The following RP1L1 variants were observed in gnomAD, a reference collection of about 807,000 sequenced individuals.
The protein encoded by RP1L1 is retinitis pigmentosa 1-like 1 protein.
In RP1L1, 27 loss-of-function variants were observed where a neutral mutation model predicts 15.7. The ratio of observed to expected loss-of-function variants is 1.72; its 90% CI spans 1.27 to 2.38. RP1L1 has a LOEUF of 2.38. Among genes scored for constraint, RP1L1 ranks in the 30% most tolerant of loss-of-function variants. The probability of loss-of-function intolerance (pLI) is 0.00; values close to 1 mark genes in which losing one functional copy is unlikely to be tolerated. For synonymous variants in RP1L1, 1,813 were observed against 1,276.7 expected (o/e 1.42, Z -8.96); for missense variants, 4,798 against 3,075.9 (o/e 1.56, Z -13.24).
rs1199314851 is a variant in RP1L1, at chr8:10,629,801, T to C, written c.-19-6581A>G. Among the ~76,000 whole-genome samples the C allele has an allele frequency of 3.9e-5, 6 of 152,092 alleles. No individual in the cohort carries two copies. The South Asian group carries it at 1.2e-3, about 32-fold the overall frequency. On this transcript the variant is annotated intron_variant, in intron 1 of 3. Coordinates refer to ENST00000382483, the MANE Select transcript of RP1L1 (RefSeq NM_178857.6). ...CTTACCACTTATTCCCTCCTCAAGA[T>C]GCCTCACAGTCAGAGGAAGGCTGCT...
chr8:10,620,079 C>T (rs140723659), intron 2 of RP1L1, among the ~76,000 whole-genome samples: 9 of 152,082 alleles, frequency 5.9e-5, no homozygotes, highest in African/African-American at 1.7e-4. Context: ...GTTTCTCTGG[C>T]GACTAAGACA....
At chr8:10,636,884 G>A (rs1197884671) in intron 1 of RP1L1, among the ~76,000 whole-genome samples, 1 of 152,156 alleles carries the variant, frequency 6.6e-6, no homozygotes, top group Non-Finnish European at 1.5e-5. Context: ...GATGGAACTG[G>A]AGTGACAAGG....
rs190111522 is a variant in RP1L1, at chr8:10,624,679, T to C, written c.-19-1459A>G. Among the ~76,000 whole-genome samples, 4 of 150,404 alleles carry C rather than the reference T, an allele frequency of 2.7e-5. No homozygotes were observed. In the East Asian group the frequency reaches 5.8e-4, roughly 22 times the overall value. On this transcript the variant is annotated intron_variant, in intron 1 of 3. Transcript: ENST00000382483. ...GGCCGGGAGGAGAAGGTCGGAGGCT[T>C]CTTGCAAGCTGGGATCAGCTGCCAT...
chr8:10,642,870 A>T (rs143094634), intron 1 of RP1L1, among the ~76,000 whole-genome samples: 1,854 of 152,336 alleles, frequency 0.012, 33 homozygotes, highest in South Asian at 0.052. Context: ...AAGTTGAAAG[A>T]GAAGGAAGAG....
chr8:10,633,783 T>C (rs1798288403), intron 1 of RP1L1, among the ~76,000 whole-genome samples: 1 of 152,176 alleles, frequency 6.6e-6, no homozygotes, highest in Non-Finnish European at 1.5e-5. Context: ...TGGCAAGGCA[T>C]ATTCTAATTA....
rs1043085542 is a variant in RP1L1 at position 10,612,790 on chromosome 8, G to A, written c.1308C>T (p.Gly436=). ...TCCCGGCAGTCCCGTGGCCCCACAG[G>A]CCACTGCAGCGGACGTGCTGGGCCA... The part of the protein sequence containing the change: ...WGLAQHVRCS[G]LWGHGTAGRE... Residue 436 remains glycine (G), a synonymous_variant, in exon 4 of 4, where the codon GGC becomes GGT. Coordinates refer to ENST00000382483, the MANE Select transcript of RP1L1 (RefSeq NM_178857.6). 2.5e-6 allele frequency: 4 copies of A among 1,610,720 alleles called. No homozygotes were observed. Among genetic ancestry groups the A allele is most frequent in the South Asian group, 2.2e-5 (2 of 91,080 alleles).
Position 10,612,981 on chromosome 8 carries a change from G to A in RP1L1, c.1117C>T (p.Pro373Ser), listed in dbSNP as rs765172783. The part of the protein sequence containing the change: ...DPLCCVWEGY[P>S]WGFSEPGVWG... ...ACCCCAGGCTCTGAGAAGCCCCAAG[G>A]GTAGCCCTCCCACACACAGCAGAGG... is the stretch of plus-strand genomic sequence containing the variant. Residue 373 changes from proline (P) to serine (S), a missense_variant, in exon 4 of 4, where the codon CCT becomes TCT. By Grantham distance (74) the Pro-to-Ser change is moderately conservative. Transcript: ENST00000382483. 1.2e-6 allele frequency: 2 copies of A among 1,613,202 alleles called. No homozygotes were observed. The highest frequency in any genetic ancestry group is 1.3e-5 in the African/African-American group (1 of 75,042).
intron 1 of RP1L1, among the ~76,000 whole-genome samples, chr8:10,637,577 C>T (rs35802372): frequency 0.18 from 27,749 of 152,058 alleles, 3,414 homozygotes; most frequent in Non-Finnish European, 0.26. Context: ...GAGACCCCAT[C>T]TCCAAAAACA....
intron 1 of RP1L1, among the ~76,000 whole-genome samples, chr8:10,638,111 T>G (rs1009298985): frequency 6.6e-6 from 1 of 152,264 alleles, no homozygotes; most frequent in Non-Finnish European, 1.5e-5. Context: ...ATACCTGCTT[T>G]GTTTACACTT....
chr8:10,644,323 C>A (rs1048638495), intron 1 of RP1L1, among the ~76,000 whole-genome samples: 1 of 151,930 alleles, frequency 6.6e-6, no homozygotes, highest in African/African-American at 2.4e-5. Context: ...ACAAGGCAGT[C>A]TCTAGAGAAT....
In RP1L1 at chr8:10,610,904, G is replaced by A. The variant is rs774639195; in HGVS notation, c.3194C>T (p.Pro1065Leu). 6.8e-6 allele frequency: 11 copies of A among 1,610,796 alleles called. No individual in the cohort carries two copies. The highest frequency in any genetic ancestry group is 8.5e-6 in the Non-Finnish European group (10 of 1,179,154). Residue 1065 changes from proline (P) to leucine (L), a missense_variant, in exon 4 of 4, where the codon CCA becomes CTA. Coordinates refer to ENST00000382483, the MANE Select transcript of RP1L1 (RefSeq NM_178857.6). ...CCGCAGGCTCACCCTGCAGCCTGCT[G>A]GGGCCTCTCTGTCTGCTCCGGCCTC... ...PAEAGADREA[P>L]AGCRVSLRAL...
intron 1 of RP1L1, among the ~76,000 whole-genome samples, chr8:10,654,021 G>C (rs545675259): frequency 6.6e-6 from 1 of 152,278 alleles, no homozygotes; most frequent in East Asian, 1.9e-4. Flanking sequence ...CTGGCTGTGG[G>C]GCATGGTCCC....
intron 3 of RP1L1, among the ~76,000 whole-genome samples, chr8:10,614,425 C>T (rs944317261): frequency 2.6e-5 from 4 of 152,052 alleles, no homozygotes; most frequent in Admixed American, 6.5e-5. Flanking sequence ...TTTGGGAGGC[C>T]GAGGCAGGCG....
rs1797793989 is a variant in RP1L1 at position 10,609,755 on chromosome 8, T to C, written c.4343A>G (p.Glu1448Gly). The C allele has an allele frequency of 6.2e-7, 1 of 1,613,554 alleles. No individual in the cohort carries two copies. The highest frequency in any genetic ancestry group is 8.5e-7 in the Non-Finnish European group (1 of 1,179,692). ...SAEPCPAEGTEEPTEPPSHLS... is the reference protein window; with the variant it reads ...SAEPCPAEGTGEPTEPPSHLS... Reference sequence around the variant, plus strand: ...ATGACTAGGGGGCTCTGTGGGTTCCTCTGTGCCCTCTGCGGGGCACGGCTC... The same window carrying C: ...ATGACTAGGGGGCTCTGTGGGTTCCCCTGTGCCCTCTGCGGGGCACGGCTC... Residue 1448 changes from glutamate to glycine, a missense_variant, in exon 4 of 4, where the codon GAG becomes GGG. Physicochemically the swap from Glu to Gly is moderately conservative, Grantham distance 98. Coordinates refer to ENST00000382483, the MANE Select transcript of RP1L1 (RefSeq NM_178857.6).
chr8:10,642,134 C>T (rs996377214), intron 1 of RP1L1, among the ~76,000 whole-genome samples: 3 of 151,946 alleles, frequency 2.0e-5, no homozygotes, highest in Non-Finnish European at 1.5e-5. Flanking sequence ...TTTCCTACAC[C>T]TGCGTATAAA....
chr8:10,619,601 A>G (rs1798026164), intron 2 of RP1L1, among the ~76,000 whole-genome samples: 1 of 152,122 alleles, frequency 6.6e-6, no homozygotes, highest in Non-Finnish European at 1.5e-5. Flanking sequence ...CTAAGCATCA[A>G]ACCCTCTGAG....
rs372231577 is a variant in RP1L1 at position 10,609,702 on chromosome 8, C to A, written c.4396G>T (p.Glu1466Ter). The change falls in exon 4 of 4, where the codon GAG becomes TAG. Residue 1466 changes from glutamate (E) to a stop codon, truncating the protein, a stop_gained. Transcript: ENST00000382483. LOFTEE classifies it low-confidence loss of function (END_TRUNC). ...HLSETDPSASERQSGSQLEPG... is the reference protein window; with the variant it reads ...HLSETDPSAS ...TCAAGCTGGGAGCCACTCTGCCTCT[C>A]GCTGGCACTTGGGTCCGTCTCGCTG... The A allele has an allele frequency of 1.2e-6, 2 of 1,612,992 alleles. No individual in the cohort carries two copies. The highest frequency in any genetic ancestry group is 8.5e-7 in the Non-Finnish European group (1 of 1,179,678).
Position 10,612,597 on chromosome 8 carries a change from C to T in RP1L1, c.1501G>A (p.Glu501Lys). ...AERKAGGSLGEDPGLCIDGAG... is the reference protein window; with the variant it reads ...AERKAGGSLGKDPGLCIDGAG... ...CCATCTATGCATAGGCCGGGGTCCT[C>T]ACCCAGGCTCCCTCCAGCTTTCCGC... The change falls in exon 4 of 4, where the codon GAG (glutamate) becomes AAG (lysine). Residue 501 changes from glutamate (E) to lysine (K), a missense_variant. By Grantham distance (56) the Glu-to-Lys change is moderately conservative (BLOSUM62 1). Transcript: ENST00000382483. The T allele has an allele frequency of 2.5e-6, 4 of 1,603,654 alleles. No individual in the cohort carries two copies. Among genetic ancestry groups the T allele is most frequent in the Non-Finnish European group, 3.4e-6 (4 of 1,179,474 alleles).
rs1402497744 is a variant in RP1L1, at chr8:10,609,152, T to C, written c.4946A>G (p.Glu1649Gly). 3 of 1,613,054 alleles carry C rather than the reference T, an allele frequency of 1.9e-6. No individual in the cohort carries two copies. The highest frequency in any genetic ancestry group is 2.5e-6 in the Non-Finnish European group (3 of 1,179,604). Residue 1649 changes from glutamate (E) to glycine (G), a missense_variant, in exon 4 of 4, where the codon GAG (glutamate) becomes GGG (glycine). By Grantham distance (98) the Glu-to-Gly change is moderately conservative. Transcript: ENST00000382483. Reference sequence around the variant, plus strand: ...ACAGAACTCCTCCCCCTCCGCCTCCTCGCCCAGCTGGCTCCCCAGGGCTGT... The same window carrying C: ...ACAGAACTCCTCCCCCTCCGCCTCCCCGCCCAGCTGGCTCCCCAGGGCTGT... ...LSTALGSQLG[E>G]EAEGEEFCPC...
Sources: gnomAD v4.1 joint callset for allele counts (sites outside exome capture counted in the v4.1 genomes callset) on GRCh38, gnomAD v4.1.1 for gene constraint, MANE v1.5 for transcripts, NCBI Gene and HGNC (gene_info 2026-07-23, HGNC 2026-07-21) for gene names.